The following DPP10 variants were observed in gnomAD, a reference collection of about 807,000 sequenced individuals.
The protein encoded by DPP10 is inactive dipeptidyl peptidase 10.
In DPP10, 33 loss-of-function variants were observed where a neutral mutation model predicts 120.9. The ratio of observed to expected loss-of-function variants is 0.27; its 90% CI spans 0.21 to 0.37. The LOEUF is 0.37. DPP10 is among the 10% of genes least tolerant of loss of function. DPP10 has a pLI of 1.00. For missense variants in DPP10, 816 were observed against 942.8 expected, an observed-to-expected ratio of 0.87 and a Z score of 1.76; for synonymous variants, 337 against 326.1, an observed-to-expected ratio of 1.03 and a Z score of -0.36.
chr2:115,191,462 G>A (rs935043199), intron 1 of DPP10, among the ~76,000 whole-genome samples: 4 of 152,218 alleles, frequency 2.6e-5, no homozygotes, highest in Admixed American at 6.5e-5. Context: ...AGGGTATAAC[G>A]AGGCAAGGAT....
At chr2:115,485,597 G>C (rs2075729488) in intron 3 of DPP10, among the ~76,000 whole-genome samples, 1 of 151,778 alleles carries the variant, frequency 6.6e-6, no homozygotes, top group Non-Finnish European at 1.5e-5. Flanking sequence ...TTACTTTATG[G>C]TTTAATTATA....
At chr2:114,858,045 A>G (rs1238495305) in intron 1 of DPP10, among the ~76,000 whole-genome samples, 1 of 152,140 alleles carries the variant, frequency 6.6e-6, no homozygotes, top group Non-Finnish European at 1.5e-5. Context: ...GCTGGAGTGC[A>G]GTGGCACTAT....
At chr2:115,050,691 C>T (rs1376614512) in intron 1 of DPP10, among the ~76,000 whole-genome samples, 1 of 152,120 alleles carries the variant, frequency 6.6e-6, no homozygotes, top group East Asian at 1.9e-4. Context: ...AGTGCAAATC[C>T]TCAGGAAAAA....
intron 1 of DPP10, among the ~76,000 whole-genome samples, chr2:115,094,334 G>A (rs1363495462): frequency 6.6e-6 from 1 of 152,112 alleles, no homozygotes; most frequent in African/African-American, 2.4e-5. Context: ...AGTGTGAATT[G>A]TCTGAAGGTG....
chr2:114,786,515 G>T (rs575415019), intron 1 of DPP10, among the ~76,000 whole-genome samples: 1 of 152,162 alleles, frequency 6.6e-6, no homozygotes, highest in Non-Finnish European at 1.5e-5. Context: ...GTGTAACATC[G>T]TGTGTAGAAA....
chr2:114,509,429 GA>G (rs1361414765), intron 1 of DPP10, among the ~76,000 whole-genome samples: 1 of 152,216 alleles, frequency 6.6e-6, no homozygotes, highest in Non-Finnish European at 1.5e-5. Flanking sequence ...ACTAAGAAAT[GA>G]GTTCAGTTAG....
At chr2:115,219,967 A>G (rs2057050499) in intron 1 of DPP10, among the ~76,000 whole-genome samples, 1 of 152,180 alleles carries the variant, frequency 6.6e-6, no homozygotes, top group Non-Finnish European at 1.5e-5. Context: ...ACCCAACTAC[A>G]TGCTGTGGTA....
intron 1 of DPP10, among the ~76,000 whole-genome samples, chr2:114,792,767 G>T (rs1020462776): frequency 6.6e-6 from 1 of 152,102 alleles, no homozygotes; most frequent in Non-Finnish European, 1.5e-5. Context: ...AGACAATATT[G>T]TATTCATGTC....
chr2:115,220,135 G>A (rs565148945), intron 1 of DPP10, among the ~76,000 whole-genome samples: 8 of 152,094 alleles, frequency 5.3e-5, no homozygotes, highest in Non-Finnish European at 2.9e-5. Flanking sequence ...AGATTTAGTT[G>A]CCTGTTTTCC....
intron 8 of DPP10, among the ~76,000 whole-genome samples, chr2:115,739,018 G>A (rs1676939946): frequency 6.6e-6 from 1 of 152,136 alleles, no homozygotes; most frequent in Non-Finnish European, 1.5e-5. Flanking sequence ...GCCATTACTA[G>A]ACACATAAGG....
rs1458952648 is a variant in DPP10, at chr2:115,005,993, A to G, written c.61-303246A>G. Among the ~76,000 whole-genome samples, 22 of 152,306 alleles carry G rather than the reference A, an allele frequency of 1.4e-4. No individual in the cohort carries two copies. In the South Asian group the frequency reaches 4.6e-3, roughly 32 times the overall value. ...AAAGGTCGGGTTACCCTCAAAGGGA[A>G]GCCCATCAGACTAACAGTGGATCTC... On this transcript the variant is annotated intron_variant, in intron 1 of 25. Transcript: ENST00000410059.
At chr2:114,592,779 A>G (rs1396046289) in intron 1 of DPP10, among the ~76,000 whole-genome samples, 2 of 152,220 alleles carry the variant, frequency 1.3e-5, no homozygotes, top group Admixed American at 1.3e-4. Flanking sequence ...AGTATATCAA[A>G]TTGAAGGTTC....
intron 1 of DPP10, among the ~76,000 whole-genome samples, chr2:115,117,546 T>C (rs1407128884): frequency 6.6e-6 from 1 of 152,192 alleles, no homozygotes; most frequent in African/African-American, 2.4e-5. Flanking sequence ...ATTTCAAGGC[T>C]GCAATGAGCT....
chr2:114,780,798 T>C (rs1177558825), intron 1 of DPP10, among the ~76,000 whole-genome samples: 1 of 152,148 alleles, frequency 6.6e-6, no homozygotes, highest in Non-Finnish European at 1.5e-5. Context: ...GTTAAATTAA[T>C]GAATTTTTAT....
intron 1 of DPP10, among the ~76,000 whole-genome samples, chr2:115,202,387 G>T (rs1047963532): frequency 1.8e-4 from 28 of 152,210 alleles, no homozygotes; most frequent in Middle Eastern, 3.4e-3. Flanking sequence ...TGGCTTTATG[G>T]AATTGAACAT....
intron 1 of DPP10, among the ~76,000 whole-genome samples, chr2:114,528,398 C>T (rs1401784608): frequency 6.6e-6 from 1 of 152,130 alleles, no homozygotes; most frequent in Non-Finnish European, 1.5e-5. Flanking sequence ...AACACTGTTA[C>T]TGCAGGGTCT....
chr2:115,419,813 A>C (rs2069773638), intron 3 of DPP10, among the ~76,000 whole-genome samples: 1 of 152,174 alleles, frequency 6.6e-6, no homozygotes, highest in Non-Finnish European at 1.5e-5. Context: ...TATTTTAAAA[A>C]TATCTAAAAC....
chr2:115,082,659 T>C (rs953860730), intron 1 of DPP10, among the ~76,000 whole-genome samples: 4 of 152,194 alleles, frequency 2.6e-5, no homozygotes, highest in Non-Finnish European at 5.9e-5. Flanking sequence ...TCACATCTAA[T>C]AAATTACTGG....
At chr2:115,733,192 A>C (rs2092951974) in intron 8 of DPP10, among the ~76,000 whole-genome samples, 1 of 152,306 alleles carries the variant, frequency 6.6e-6, no homozygotes, top group Admixed American at 6.5e-5. Flanking sequence ...TTGTTGAAAT[A>C]AAACAGGGCA....
Sources: gnomAD v4.1 joint callset for allele counts (sites outside exome capture counted in the v4.1 genomes callset) on GRCh38, gnomAD v4.1.1 for gene constraint, MANE v1.5 for transcripts, NCBI Gene and HGNC (gene_info 2026-07-23, HGNC 2026-07-21) for gene names.